R3HDM1: variants seen among roughly 807,000 people sequenced by gnomAD.
The protein encoded by R3HDM1 is R3H domain containing 1, also known as R3H domain-containing protein 1.
A neutral mutation model predicts 141.1 loss-of-function variants in R3HDM1; 46 were observed. The ratio of observed to expected loss-of-function variants is 0.33; its 90% confidence interval spans 0.26 to 0.42. The LOEUF (loss-of-function observed/expected upper bound fraction) is 0.42. R3HDM1 is among the 10% of genes least tolerant of loss of function. The pLI, the probability that R3HDM1 is intolerant of heterozygous loss-of-function variation, is 1.00. For synonymous variants in R3HDM1, 435 were observed against 472.9 expected (o/e 0.92, Z 1.04); for missense variants, 1,184 against 1,368.3 (o/e 0.87, Z 2.12).
chr2:135,669,829 A>G (rs1385622541), intron 19 of R3HDM1, among the ~76,000 whole-genome samples: 1 of 152,218 alleles, frequency 6.6e-6, no homozygotes, highest in Non-Finnish European at 1.5e-5. Context: ...ATATCATTTG[A>G]GGCTTAGGTA....
At chr2:135,566,779 C>T (rs998218024) in intron 1 of R3HDM1, 28 of 984,816 alleles carry the variant, frequency 2.8e-5, no homozygotes, top group Non-Finnish European at 3.3e-5. Context: ...CGGTGGCTCA[C>T]GCCTGTAATC....
Position 135,666,821 on chromosome 2 carries a change from A to G in R3HDM1, c.2152+5428A>G, listed in dbSNP as rs1574863130. 2.0e-5 allele frequency among the ~76,000 whole-genome samples: 3 copies of G among 152,220 alleles called. No homozygotes were observed. The East Asian group carries it at 5.8e-4, about 29-fold the overall frequency. The stretch of plus-strand genomic sequence containing the variant: ...CTTGCCCACCTACTAAAATAGTGCC[A>G]CAGACAGAAGCCCAAGATTATAAGC... On this transcript the variant is annotated intron_variant, in intron 19 of 26. Coordinates refer to ENST00000683871, the MANE Select transcript of R3HDM1 (RefSeq NM_001378107.1).
intron 1 of R3HDM1, among the ~76,000 whole-genome samples, chr2:135,545,970 T>C (rs1367569758): frequency 6.6e-6 from 1 of 152,340 alleles, no homozygotes; most frequent in Non-Finnish European, 1.5e-5. Flanking sequence ...GGGCAGCTTT[T>C]CCTAAAATTG....
At chr2:135,580,413 G>C (rs954397486) in intron 1 of R3HDM1, among the ~76,000 whole-genome samples, 1 of 152,168 alleles carries the variant, frequency 6.6e-6, no homozygotes, top group African/African-American at 2.4e-5. Flanking sequence ...AGTCACAAGA[G>C]ATACTTGTAT....
At chr2:135,626,223 G>C (rs1442182111) in intron 7 of R3HDM1, among the ~76,000 whole-genome samples, 1 of 152,062 alleles carries the variant, frequency 6.6e-6, no homozygotes, top group East Asian at 1.9e-4. Flanking sequence ...TTGCTTGCTT[G>C]CTTGCTTGCT....
At chr2:135,691,400 G>T (rs565712243) in intron 21 of R3HDM1, among the ~76,000 whole-genome samples, 53 of 152,250 alleles carry the variant, frequency 3.5e-4, no homozygotes, top group Middle Eastern at 3.4e-3. Context: ...GATCGCTTGA[G>T]CTCAGGAGTT....
At position 135,641,654 on chromosome 2, in the gene R3HDM1, T is replaced by A. The variant is rs774793251; in HGVS notation, c.1338T>A (p.Thr446=). Reference sequence around the variant, plus strand: ...ATGGCGCACCTGTCGTCTATCCAACTGTCAGCACTCATAGTTCTCTTTCCT... The same window carrying A: ...ATGGCGCACCTGTCGTCTATCCAACAGTCAGCACTCATAGTTCTCTTTCCT... ...SSHGAPVVYP[T]VSTHSSLSFD... is the part of the protein sequence containing the mutation. Residue 446 remains threonine, a synonymous_variant, in exon 15 of 27, where the codon ACT becomes ACA. Transcript: ENST00000683871. 1 of 1,614,182 alleles carries A rather than the reference T, an allele frequency of 6.2e-7. No homozygotes were observed.
chr2:135,667,896 G>A (rs886317031), intron 19 of R3HDM1: 1 of 437,566 alleles, frequency 2.3e-6, no homozygotes, highest in South Asian at 9.7e-5. Flanking sequence ...TTCTCTAGGT[G>A]TCACTCTGTA....
At chr2:135,547,009 T>A (rs913594896) in intron 1 of R3HDM1, among the ~76,000 whole-genome samples, 1 of 152,166 alleles carries the variant, frequency 6.6e-6, no homozygotes, top group Non-Finnish European at 1.5e-5. Flanking sequence ...AACCTTTTTT[T>A]AAGATCATTT....
chr2:135,638,501 A>T, intron 11 of R3HDM1, 117 bp from the exon 12 acceptor site: 2 of 1,052,384 alleles, frequency 1.9e-6, no homozygotes, highest in Non-Finnish European at 1.4e-6. Context: ...GTGTACCCTT[A>T]TCACCATTTT....
intron 18 of R3HDM1, among the ~76,000 whole-genome samples, chr2:135,652,241 A>T (rs1015165091): frequency 6.6e-6 from 1 of 152,218 alleles, no homozygotes; most frequent in African/African-American, 2.4e-5. Context: ...TTGGTAAAGT[A>T]TGTGAGCTTT....
At chr2:135,635,708 A>G (rs1559305235) in intron 9 of R3HDM1, among the ~76,000 whole-genome samples, 182 bp from the exon 10 acceptor site, 1 of 152,238 alleles carries the variant, frequency 6.6e-6, no homozygotes, top group Non-Finnish European at 1.5e-5. Flanking sequence ...ATAACATGGA[A>G]TAGTTAGTAT....
intron 1 of R3HDM1, chr2:135,586,770 T>C: frequency 2.0e-6 from 2 of 985,386 alleles, no homozygotes; most frequent in Non-Finnish European, 2.4e-6. Flanking sequence ...TGATATTTCT[T>C]GTAACTTACT....
rs560448735 is a variant in R3HDM1, at chr2:135,595,232, A to G, written c.-249-7268A>G. Among the ~76,000 whole-genome samples the G allele has an allele frequency of 2.4e-4, 36 of 152,222 alleles. No individual in the cohort carries two copies. The Middle Eastern group carries it at 0.014, about 58-fold the overall frequency. ...CATTTTCCTCCCAGATATATTTCCT[A>G]TATTTAGTGGTAGCAAGCACTACCT... On this transcript the variant is annotated intron_variant, in intron 1 of 26. Transcript: ENST00000683871.
chr2:135,594,579 C>A (rs1198374418), intron 1 of R3HDM1, among the ~76,000 whole-genome samples: 1 of 152,188 alleles, frequency 6.6e-6, no homozygotes, highest in Non-Finnish European at 1.5e-5. Flanking sequence ...ACAAGCCCTA[C>A]AGCCATCCCG....
At chr2:135,598,477 C>T (rs1574211782) in intron 1 of R3HDM1, among the ~76,000 whole-genome samples, 2 of 152,086 alleles carry the variant, frequency 1.3e-5, no homozygotes, top group East Asian at 1.9e-4. Context: ...GAAAGTGCTC[C>T]GTAAACACAA....
At chr2:135,574,489 T>C (rs542624351) in intron 1 of R3HDM1, among the ~76,000 whole-genome samples, 3 of 152,342 alleles carry the variant, frequency 2.0e-5, no homozygotes, top group East Asian at 1.9e-4. Flanking sequence ...TCTGAATTTC[T>C]GTGAAACAAA....
At chr2:135,706,128 C>CG (rs2074876688) in intron 21 of R3HDM1, among the ~76,000 whole-genome samples, 1 of 138,032 alleles carries the variant, frequency 7.2e-6, no homozygotes, top group African/African-American at 2.7e-5. Flanking sequence ...GACTCCATCT[C>CG]GAAAAAAAAA....
chr2:135,649,901 G>T lies in R3HDM1; in HGVS notation c.1624-1G>T. ...TTGTTTGCCAACCTGTTATTCTTTA[G>T]CCTGTTCATCCTCTGCAGTCCTCTT... On this transcript the variant is annotated splice_acceptor_variant, in intron 16 of 26. Coordinates refer to ENST00000683871, the MANE Select transcript of R3HDM1 (RefSeq NM_001378107.1). LOFTEE classifies it high-confidence loss of function. The T allele has an allele frequency of 1.6e-6, 2 of 1,246,044 alleles. No individual in the cohort carries two copies. Among genetic ancestry groups the T allele is most frequent in the Admixed American group, 2.7e-5 (1 of 37,446 alleles). The allele number at this position is 1,246,044 out of a possible 1,614,324, so 77.2% of individuals were successfully genotyped here.
Sources: gnomAD v4.1 joint callset for allele counts (sites outside exome capture counted in the v4.1 genomes callset) on GRCh38, gnomAD v4.1.1 for gene constraint, MANE v1.5 for transcripts, NCBI Gene and HGNC (gene_info 2026-07-23, HGNC 2026-07-21) for gene names.